NEB: variants seen among roughly 807,000 people sequenced by gnomAD.
NEB encodes the protein nemaline myopathy type 2.
A neutral mutation model predicts 952.2 loss-of-function variants in NEB; 512 were observed. That is an observed-to-expected ratio of 0.54 (90% CI 0.50 to 0.58). The LOEUF (loss-of-function observed/expected upper bound fraction) is 0.58, where lower values mean the gene tolerates loss of function less well. Among genes scored for constraint, NEB ranks in the 20% least tolerant of loss-of-function variants. NEB has a pLI of 0.00. For synonymous variants in NEB, 2,900 were observed against 3,149.8 expected, an observed-to-expected ratio of 0.92 and a Z score of 2.66; for missense variants, 8,428 against 9,231.1, an observed-to-expected ratio of 0.91 and a Z score of 3.56.
rs762382147 is a variant in NEB, at chr2:151,674,571, C to T, written c.3893G>A (p.Arg1298Gln). The T allele has an allele frequency of 3.1e-6, 5 of 1,610,804 alleles. No homozygotes were observed. The highest frequency in any genetic ancestry group is 1.1e-5 in the South Asian group (1 of 90,912). The change falls in exon 36 of 182, where the codon CGG (arginine) becomes CAG (glutamine). Residue 1298 changes from arginine (R) to glutamine (Q), a missense_variant. Coordinates refer to ENST00000397345, the MANE Select transcript of NEB (RefSeq NM_001164508.2). Reference protein sequence around the residue: ...AYNISDVCYKRDWYDLIAKGN... With the variant: ...AYNISDVCYKQDWYDLIAKGN... ...CTTGGCTATTAAGTCATACCAATCC[C>T]GTTTATAACAGACCTGGACAGAAAA...
chr2:151,725,347 A>G, intron 6 of NEB, 106 bp downstream of exon 6: 2 of 855,180 alleles, frequency 2.3e-6, no homozygotes, highest in Non-Finnish European at 3.7e-6. Flanking sequence ...ACTAGCTCAT[A>G]GTAATTCAAC....
At chr2:151,642,141 T>C (rs963916278) in intron 60 of NEB, among the ~76,000 whole-genome samples, 4 of 152,232 alleles carry the variant, frequency 2.6e-5, no homozygotes, top group South Asian at 2.1e-4. Flanking sequence ...CCACCTGATA[T>C]AGAAACAAAC....
chr2:151,694,653 G>A, intron 18 of NEB, 24 bp from the exon 19 acceptor site: 3 of 1,551,252 alleles, frequency 1.9e-6, no homozygotes, highest in Non-Finnish European at 2.6e-6. Flanking sequence ...TTCAGCAAAG[G>A]AATTGGCAAA....
intron 47 of NEB, 25 bp from the exon 48 acceptor site, chr2:151,658,115 G>A: frequency 1.4e-6 from 2 of 1,460,218 alleles, no homozygotes; most frequent in Admixed American, 3.8e-5. Flanking sequence ...AAAGGGAAGA[G>A]TTTTCTTCTA....
intron 64 of NEB, among the ~76,000 whole-genome samples, chr2:151,634,861 G>C (rs1393993403): frequency 6.6e-6 from 1 of 152,104 alleles, no homozygotes. Context: ...TCTTAATAAG[G>C]TCATGGGTTC....
intron 20 of NEB, 62 bp from the exon 21 acceptor site, chr2:151,692,424 T>A: frequency 2.4e-6 from 3 of 1,269,130 alleles, no homozygotes; most frequent in Non-Finnish European, 3.4e-6. Flanking sequence ...AAAGTAAAAG[T>A]CATTCATGTC....
rs1329940557 is a variant in NEB at position 151,560,639 on chromosome 2, T to C, written c.19267A>G (p.Thr6423Ala). The C allele has an allele frequency of 6.2e-7, 1 of 1,612,574 alleles. No individual in the cohort carries two copies. Among genetic ancestry groups the C allele is most frequent in the Admixed American group, 1.7e-5 (1 of 59,800 alleles). Residue 6423 changes from threonine to alanine, a missense_variant, in exon 124 of 182, where the codon ACC becomes GCC. Physicochemically the swap from Thr to Ala is moderately conservative, Grantham distance 58. Transcript: ENST00000397345. Reference sequence around the variant, plus strand: ...TTCTTGGCGTGTGTCAGGGACAAGGTGCTGGAAGGCAGGATGTAGCTGGTG... The same window carrying C: ...TTCTTGGCGTGTGTCAGGGACAAGGCGCTGGAAGGCAGGATGTAGCTGGTG... ...KATSYILPSS[T>A]LSLTHAKNQK...
chr2:151,507,735 T>A (rs907460424), intron 162 of NEB: 2 of 371,500 alleles, frequency 5.4e-6, no homozygotes, highest in Non-Finnish European at 9.8e-6. Context: ...ACAGGGGTTT[T>A]CGCCATGAAC....
intron 38 of NEB, 96 bp from the exon 39 acceptor site, chr2:151,669,227 T>A (rs2099256470): frequency 1.1e-6 from 1 of 880,734 alleles, no homozygotes; most frequent in South Asian, 1.5e-5. Context: ...CTATCATTTG[T>A]GTTTTCCATT....
chr2:151,514,203 G>GA (rs1395683341), intron 159 of NEB, 115 bp downstream of exon 159: 5 of 715,776 alleles, frequency 7.0e-6, no homozygotes, highest in Non-Finnish European at 1.2e-5. Context: ...ATCTGAAAAT[G>GA]AAAAGCTCTG....
chr2:151,623,871 G>T (rs2154042056), intron 71 of NEB, among the ~76,000 whole-genome samples: 1 of 152,102 alleles, frequency 6.6e-6, no homozygotes, highest in East Asian at 1.9e-4. Flanking sequence ...CATGGCTTCA[G>T]GCCAAAAAAA....
At chr2:151,637,109 A>T (rs754906897) in intron 63 of NEB, among the ~76,000 whole-genome samples, 1 of 152,146 alleles carries the variant, frequency 6.6e-6, no homozygotes, top group Non-Finnish European at 1.5e-5. Context: ...ACCCCTCTCA[A>T]CCTAAAGGTT....
chr2:151,698,259 C>G (rs1049329297), intron 13 of NEB, among the ~76,000 whole-genome samples: 4 of 152,024 alleles, frequency 2.6e-5, no homozygotes, highest in African/African-American at 7.3e-5. Flanking sequence ...GCATATACCA[C>G]ACAATTCACC....
Position 151,554,025 on chromosome 2 carries a change from G to A in NEB, c.19429C>T (p.Arg6477Cys), listed in dbSNP as rs765181095. ...CLRVGKLNID[R>C]LYRSVYEKNK... ...TTTTCATAAACTGATCTGTACAGGCGCTGTAAAGTTAAAATCACATGCCAG... is the reference window on the plus strand; with the variant it reads ...TTTTCATAAACTGATCTGTACAGGCACTGTAAAGTTAAAATCACATGCCAG... Residue 6477 changes from arginine (R) to cysteine (C), a missense_variant and splice_region_variant, in exon 126 of 182, where the codon CGC becomes TGC. Around this residue, in one of 11 missense-constraint regions of NEB, gnomAD observed 3,374 missense variants for 3,651.5 expected, o/e 0.92. Coordinates refer to ENST00000397345, the MANE Select transcript of NEB (RefSeq NM_001164508.2). 1.9e-5 allele frequency: 30 copies of A among 1,613,218 alleles called. No homozygotes were observed. Among genetic ancestry groups the A allele is most frequent in the Admixed American group, 1.5e-4 (9 of 59,986 alleles).
At position 151,610,518 on chromosome 2, in the gene NEB, C is replaced by T; in HGVS notation, c.12016G>A (p.Asp4006Asn). Residue 4006 changes from aspartate to asparagine, a missense_variant and splice_region_variant, in exon 80 of 182, where the codon GAC becomes AAC. Asp to Asn is a conservative substitution (Grantham distance 23). This residue lies in a region of NEB where 337 missense variants were observed against 297.5 expected (regional missense o/e 1.13). Coordinates refer to ENST00000397345, the MANE Select transcript of NEB (RefSeq NM_001164508.2). The part of the protein sequence containing the change: ...SAKASRDIAS[D>N]YKYKEAYEKQ... The stretch of plus-strand genomic sequence containing the variant: ...AGAGTTAGATGGAAGGTACTCACGT[C>T]ACTGGCGATGTCCCTGGAGGCCTTG... 1 of 1,604,128 alleles carries T rather than the reference C, an allele frequency of 6.2e-7. No homozygotes were observed. Among genetic ancestry groups the T allele is most frequent in the Non-Finnish European group, 8.5e-7 (1 of 1,171,024 alleles).
rs372724145 is a variant in NEB at position 151,684,817 on chromosome 2, A to G, written c.2796T>C (p.Asn932=). The G allele has an allele frequency of 1.9e-6, 3 of 1,613,020 alleles. No individual in the cohort carries two copies. The highest frequency in any genetic ancestry group is 4.5e-5 in the East Asian group (2 of 44,882). Residue 932 remains asparagine (N), a synonymous_variant, in exon 28 of 182, where the codon AAT becomes AAC. Coordinates refer to ENST00000397345, the MANE Select transcript of NEB (RefSeq NM_001164508.2). ...HSYSYPPDSI[N]VDLAKKAYAL... is the part of the protein sequence containing the mutation. The stretch of plus-strand genomic sequence containing the variant: ...CATATGCCTTCTTGGCAAGGTCCAC[A>G]TTGATGCTATCAGGGGGGTAGCTGT...
At chr2:151,486,654 CTAT>C (rs2050688211) in intron 181 of NEB, 1 of 152,286 alleles carries the variant, frequency 6.6e-6, no homozygotes, top group Non-Finnish European at 1.5e-5. Flanking sequence ...CCATACAGAT[CTAT>C]TATTGGGTAG....
At chr2:151,545,200 T>TG (rs2094527105) in intron 135 of NEB, among the ~76,000 whole-genome samples, 1 of 152,246 alleles carries the variant, frequency 6.6e-6, no homozygotes, top group South Asian at 2.1e-4. Flanking sequence ...GGCACTGCCA[T>TG]GCTCGGGGCT....
At position 151,640,008 on chromosome 2, in the gene NEB, A is replaced by T. The variant is rs368373064; in HGVS notation, c.8738T>A (p.Ile2913Asn). Reference protein sequence around the residue: ...QWMRGIGWVSIGSLDVEKCKR... With the variant: ...QWMRGIGWVSNGSLDVEKCKR... ...GCATTTTTCCACATCCAAAGAGCCA[A>T]TGGACACCCAGCCAATGCCTCTCAT... The change falls in exon 62 of 182, where the codon ATT becomes AAT. Residue 2913 changes from isoleucine (I) to asparagine (N), a missense_variant. Ile to Asn is a moderately radical substitution (Grantham distance 149). Around this residue, in one of 11 missense-constraint regions of NEB, gnomAD observed 1,772 missense variants for 1,960.3 expected, o/e 0.90. Coordinates refer to ENST00000397345, the MANE Select transcript of NEB (RefSeq NM_001164508.2). The T allele has an allele frequency of 6.2e-7, 1 of 1,613,976 alleles. No individual in the cohort carries two copies. The highest frequency in any genetic ancestry group is 8.5e-7 in the Non-Finnish European group (1 of 1,179,850).
Sources: gnomAD v4.1 joint callset for allele counts (sites outside exome capture counted in the v4.1 genomes callset) on GRCh38, gnomAD v4.1.1 for gene constraint, gnomAD v4.1.1 regional missense constraint, MANE v1.5 for transcripts, NCBI Gene and HGNC (gene_info 2026-07-23, HGNC 2026-07-21) for gene names.